Variants in WWOX observed in about 807,000 individuals in gnomAD.
WWOX encodes the protein WW domain-containing oxidoreductase.
A neutral mutation model predicts 46.2 loss-of-function variants in WWOX; 69 were observed. The ratio of observed to expected loss-of-function variants is 1.49; its 90% CI spans 1.23 to 1.82. The LOEUF (loss-of-function observed/expected upper bound fraction) is 1.82, where lower values mean the gene tolerates loss of function less well. Ranked by LOEUF, WWOX falls within the 40% of genes most tolerant of loss-of-function variation. The probability of loss-of-function intolerance (pLI) is 0.00; values close to 1 mark genes in which losing one functional copy is unlikely to be tolerated. For missense variants in WWOX, 919 were observed against 542.6 expected (o/e 1.69, Z -6.89); for synonymous variants, 359 against 202.6 (o/e 1.77, Z -6.56).
At chr16:78,902,139 C>G (rs947841216) in intron 8 of WWOX, among the ~76,000 whole-genome samples, 1 of 152,172 alleles carries the variant, frequency 6.6e-6, no homozygotes, top group Admixed American at 6.5e-5. Context: ...CTGCAGGAAG[C>G]AAGGGAAACA....
chr16:78,487,631 T>C (rs2084672168), intron 8 of WWOX, among the ~76,000 whole-genome samples: 1 of 152,198 alleles, frequency 6.6e-6, no homozygotes, highest in Non-Finnish European at 1.5e-5. Context: ...TCCTGTATCT[T>C]GGAGATGTTT....
intron 8 of WWOX, among the ~76,000 whole-genome samples, chr16:79,139,606 C>A (rs1282377499): frequency 6.6e-6 from 1 of 151,564 alleles, no homozygotes; most frequent in Non-Finnish European, 1.5e-5. Context: ...TTCTTTCTTT[C>A]TTTCTTTTCT....
At chr16:78,697,793 G>T (rs572233497) in intron 8 of WWOX, among the ~76,000 whole-genome samples, 1 of 152,214 alleles carries the variant, frequency 6.6e-6, no homozygotes, top group African/African-American at 2.4e-5. Flanking sequence ...TCGGTATAGG[G>T]TTTAATCCCA....
At chr16:78,904,951 T>A in intron 8 of WWOX, among the ~76,000 whole-genome samples, 1 of 152,222 alleles carries the variant, frequency 6.6e-6, no homozygotes, top group East Asian at 1.9e-4. Flanking sequence ...TTCCAAATTG[T>A]CTTCCCATCC....
intron 8 of WWOX, among the ~76,000 whole-genome samples, chr16:78,451,119 C>T (rs1177381206): frequency 2.0e-5 from 3 of 152,164 alleles, no homozygotes; most frequent in African/African-American, 7.2e-5. Flanking sequence ...GCTAAAGGCT[C>T]TGTTGGGTTC....
intron 8 of WWOX, among the ~76,000 whole-genome samples, chr16:78,696,854 C>T (rs1008496541): frequency 2.6e-5 from 4 of 152,230 alleles, no homozygotes; most frequent in African/African-American, 9.6e-5. Flanking sequence ...TCCATTGTAT[C>T]ATTCTTATGC....
intron 5 of WWOX, among the ~76,000 whole-genome samples, chr16:78,190,008 T>C (rs563095857): frequency 2.2e-4 from 34 of 152,292 alleles, no homozygotes; most frequent in South Asian, 1.0e-3. Context: ...ACCTTTCCTA[T>C]TGTGGCAGCT....
chr16:78,733,800 T>G (rs1160664105), intron 8 of WWOX, among the ~76,000 whole-genome samples: 2 of 151,886 alleles, frequency 1.3e-5, no homozygotes, highest in African/African-American at 4.8e-5. Context: ...GCACAGTGGG[T>G]CATGCCTGCC....
intron 8 of WWOX, among the ~76,000 whole-genome samples, chr16:78,794,011 G>T (rs948045811): frequency 4.6e-5 from 7 of 152,172 alleles, no homozygotes; most frequent in African/African-American, 1.7e-4. Flanking sequence ...ACAGGCTTTG[G>T]GTTACAGCAG....
At chr16:79,026,867 G>A (rs1285196229) in intron 8 of WWOX, among the ~76,000 whole-genome samples, 1 of 147,872 alleles carries the variant, frequency 6.8e-6, no homozygotes, top group East Asian at 2.0e-4. Flanking sequence ...CTGACCTTGT[G>A]ATCTGCCCAC....
At chr16:78,336,299 C>T (rs1597500471) in intron 5 of WWOX, among the ~76,000 whole-genome samples, 1 of 145,690 alleles carries the variant, frequency 6.9e-6, no homozygotes, top group Non-Finnish European at 1.5e-5. Context: ...ATGGTGAAAC[C>T]CCATCCCTAC....
intron 8 of WWOX, among the ~76,000 whole-genome samples, chr16:78,775,819 A>C (rs1337788466): frequency 6.6e-6 from 1 of 152,176 alleles, no homozygotes; most frequent in Non-Finnish European, 1.5e-5. Flanking sequence ...TTTCGACTGA[A>C]TCTATGAGTG....
intron 8 of WWOX, among the ~76,000 whole-genome samples, chr16:78,750,712 T>G (rs1409421135): frequency 6.6e-6 from 1 of 152,190 alleles, no homozygotes; most frequent in East Asian, 1.9e-4. Context: ...TACGCAGTGT[T>G]GAGCTTCGAC....
chr16:78,403,884 T>TA (rs1285138173), intron 6 of WWOX, among the ~76,000 whole-genome samples: 1 of 152,222 alleles, frequency 6.6e-6, no homozygotes, highest in African/African-American at 2.4e-5. Context: ...GACCTTCACT[T>TA]ACTTGCACTG....
At chr16:78,645,161 C>G (rs1375449720) in intron 8 of WWOX, among the ~76,000 whole-genome samples, 4 of 152,120 alleles carry the variant, frequency 2.6e-5, no homozygotes. Flanking sequence ...AAGCTCTTTC[C>G]TATCGAAGGG....
At chr16:78,359,472 A>G (rs942063059) in intron 5 of WWOX, among the ~76,000 whole-genome samples, 1 of 152,202 alleles carries the variant, frequency 6.6e-6, no homozygotes, top group African/African-American at 2.4e-5. Context: ...TAAAGGATCG[A>G]TAGTTGGTAC....
At chr16:78,686,766 T>C (rs1359496637) in intron 8 of WWOX, among the ~76,000 whole-genome samples, 4 of 152,200 alleles carry the variant, frequency 2.6e-5, no homozygotes, top group Non-Finnish European at 5.9e-5. Context: ...CCATATGCCT[T>C]CTGTAGCTAT....
At chr16:78,328,082 C>T (rs1381073413) in intron 5 of WWOX, among the ~76,000 whole-genome samples, 2 of 151,930 alleles carry the variant, frequency 1.3e-5, no homozygotes, top group Non-Finnish European at 2.9e-5. Context: ...CCATGTTGGC[C>T]AGGCTGGTCT....
intron 8 of WWOX, among the ~76,000 whole-genome samples, chr16:78,660,533 A>G (rs898198993): frequency 6.6e-6 from 1 of 151,904 alleles, no homozygotes; most frequent in Non-Finnish European, 1.5e-5. Flanking sequence ...TCACAAAACA[A>G]CTCAGGGCCT....
Sources: allele counts gnomAD v4.1 joint callset (sites outside exome capture counted in the v4.1 genomes callset), GRCh38; gene constraint gnomAD v4.1.1; transcripts MANE v1.5; gene names NCBI Gene and HGNC (gene_info 2026-07-23, HGNC 2026-07-21).